The following PRRG1 variants were observed in gnomAD, a reference collection of about 807,000 sequenced individuals.
PRRG1 encodes the protein proline rich and Gla domain 1, also known as transmembrane gamma-carboxyglutamic acid protein 1.
PRRG1 carries 5 observed loss-of-function variants against 11.8 expected under a neutral mutation model. The ratio of observed to expected loss-of-function variants is 0.42; its 90% CI spans 0.22 to 0.89. The LOEUF is 0.89. Ranked by LOEUF, PRRG1 falls within the 40% of genes least tolerant of loss-of-function variation. The probability of loss-of-function intolerance (pLI) is 0.28; values close to 1 mark genes in which losing one functional copy is unlikely to be tolerated. For synonymous variants in PRRG1, 66 were observed against 60.4 expected (o/e 1.09, Z -0.43); for missense variants, 155 against 166.1 (o/e 0.93, Z 0.37).
intron 3 of PRRG1, among the ~76,000 whole-genome samples, chrX:37,451,840 C>G (rs782106789): frequency 5.5e-4 from 62 of 111,896 alleles, no homozygotes; most frequent in African/African-American, 1.9e-3. Flanking sequence ...GCTTTAGTGG[C>G]CATAGTATTA....
rs1466987823 is a variant in PRRG1, at chrX:37,398,824, C to T, written c.-41-7385C>T. ...GCTGAAAGCCAAGGCTCGAGAACTA[C>T]GTGAAGAATGCAGAAGCCTCAGGAG... is the stretch of plus-strand genomic sequence containing the variant. On this transcript the variant is annotated intron_variant, in intron 1 of 3. Transcript: ENST00000378628. Among the ~76,000 whole-genome samples the T allele has an allele frequency of 4.5e-3, 493 of 110,745 alleles. 1 individual carries two copies. The highest frequency in any genetic ancestry group is 0.012 in the African/African-American group (373 of 30,434).
At chrX:37,383,934 C>A (rs1300550194) in intron 1 of PRRG1, among the ~76,000 whole-genome samples, 1 of 109,374 alleles carries the variant, frequency 9.1e-6, no homozygotes, top group Admixed American at 9.9e-5. Flanking sequence ...ACTGATTGTT[C>A]TGCTATCTGA....
intron 1 of PRRG1, among the ~76,000 whole-genome samples, chrX:37,400,536 A>G (rs1931933363): frequency 9.0e-6 from 1 of 111,668 alleles, no homozygotes; most frequent in South Asian, 3.8e-4. Context: ...AGCAGGAAAG[A>G]TCCAAAATTG....
chrX:37,393,640 C>T (rs1262104768), intron 1 of PRRG1, among the ~76,000 whole-genome samples: 4 of 111,442 alleles, frequency 3.6e-5, no homozygotes, highest in African/African-American at 1.3e-4. Context: ...GCTGGTTATG[C>T]TGAAATCAAA....
intron 3 of PRRG1, among the ~76,000 whole-genome samples, chrX:37,428,440 G>A (rs1282589381): frequency 5.4e-5 from 6 of 111,546 alleles, no homozygotes; most frequent in African/African-American, 2.0e-4. Flanking sequence ...AAAACAAAGG[G>A]TATACAGGCC....
At chrX:37,411,019 G>A (rs6520309) in intron 2 of PRRG1, among the ~76,000 whole-genome samples, 32,917 of 111,052 alleles carry the variant, frequency 0.3, 7,075 homozygotes, top group African/African-American at 0.77. Context: ...AAATGTGTAT[G>A]TATAGACTCA....
At chrX:37,409,379 C>T (rs1429131607) in intron 2 of PRRG1, among the ~76,000 whole-genome samples, 1 of 111,626 alleles carries the variant, frequency 9.0e-6, no homozygotes, top group Non-Finnish European at 1.9e-5. Context: ...AGAAATTAAC[C>T]CGTGCAGTTC....
intron 1 of PRRG1, among the ~76,000 whole-genome samples, chrX:37,369,749 A>G (rs1301096578): frequency 1.8e-5 from 2 of 111,391 alleles, no homozygotes; most frequent in East Asian, 5.6e-4. Flanking sequence ...GTGGGAGGCA[A>G]TTGAATCATG....
chrX:37,421,068 C>T (rs183919185), intron 2 of PRRG1, among the ~76,000 whole-genome samples: 1 of 111,515 alleles, frequency 9.0e-6, no homozygotes, highest in East Asian at 2.8e-4. Flanking sequence ...CAGAGGTCAT[C>T]TGCTACCCAT....
At position 37,455,346 on chromosome X, in the gene PRRG1, G is replaced by A. The variant is rs904496740; in HGVS notation, c.*1725G>A. On this transcript the variant is annotated 3_prime_UTR_variant, in exon 4 of 4. Coordinates refer to ENST00000378628, the MANE Select transcript of PRRG1 (RefSeq NM_001142395.2). ...ATGTAAGAAATTTGTAAAATGTGAA[G>A]AGCTATCTACACTAAGTTCGTAATG... 5 of 111,654 alleles carry A rather than the reference G, an allele frequency of 4.5e-5. No individual in the cohort carries two copies. The highest frequency in any genetic ancestry group is 9.4e-5 in the Admixed American group (1 of 10,586). 9.2% of individuals were successfully genotyped at this position (111,654 alleles called of 1,213,427 possible). A position where few individuals can be genotyped will look rare whatever the true frequency, so the allele number is the denominator to read the frequency against.
chrX:37,389,516 G>A (rs1341062656), intron 1 of PRRG1, among the ~76,000 whole-genome samples: 1 of 111,197 alleles, frequency 9.0e-6, no homozygotes, highest in Non-Finnish European at 1.9e-5. Flanking sequence ...CATGGTGGAA[G>A]GTGAAGGGCA....
chrX:37,447,923 C>T (rs1337841727), intron 3 of PRRG1, among the ~76,000 whole-genome samples: 1 of 112,089 alleles, frequency 8.9e-6, no homozygotes, highest in African/African-American at 3.2e-5. Flanking sequence ...CTGCAGCTTA[C>T]GTTTCTCTCC....
chrX:37,389,059 G>A (rs983516829), intron 1 of PRRG1, among the ~76,000 whole-genome samples: 5 of 111,842 alleles, frequency 4.5e-5, no homozygotes, highest in African/African-American at 1.6e-4. Context: ...TCCCTAGGGT[G>A]GGGGTACAAT....
At chrX:37,367,584 AT>A (rs1182800140) in intron 1 of PRRG1, among the ~76,000 whole-genome samples, 29 of 105,846 alleles carry the variant, frequency 2.7e-4, no homozygotes, top group East Asian at 8.8e-4. Flanking sequence ...TAAATGGTGG[AT>A]TTTTTTTTTT....
chrX:37,379,884 C>T (rs1661227395), intron 1 of PRRG1, among the ~76,000 whole-genome samples: 1 of 111,078 alleles, frequency 9.0e-6, no homozygotes, highest in Non-Finnish European at 1.9e-5. Flanking sequence ...CAAGTCATGG[C>T]CTCCTCCCTC....
chrX:37,405,828 G>T (rs1932171789), intron 1 of PRRG1, among the ~76,000 whole-genome samples: 1 of 111,858 alleles, frequency 8.9e-6, no homozygotes, highest in Admixed American at 9.5e-5. Flanking sequence ...AGACAGGAAA[G>T]CTAGTAACTT....
intron 3 of PRRG1, among the ~76,000 whole-genome samples, chrX:37,430,520 C>G (rs1932816066): frequency 9.0e-6 from 1 of 111,533 alleles, no homozygotes; most frequent in African/African-American, 3.3e-5. Context: ...ATTAATAACT[C>G]ATTTGCTTAG....
At chrX:37,354,650 C>T (rs782614200) in intron 1 of PRRG1, among the ~76,000 whole-genome samples, 1 of 110,568 alleles carries the variant, frequency 9.0e-6, no homozygotes, top group Non-Finnish European at 1.9e-5. Flanking sequence ...GCCTCGGCCT[C>T]CCAAAGTGCT....
intron 1 of PRRG1, among the ~76,000 whole-genome samples, chrX:37,369,695 G>T (rs1260333168): frequency 4.5e-5 from 5 of 111,344 alleles, no homozygotes; most frequent in African/African-American, 1.6e-4. Flanking sequence ...ATCTCATCTT[G>T]AATTGTAGCT....
Sources: allele counts gnomAD v4.1 joint callset (sites outside exome capture counted in the v4.1 genomes callset), GRCh38; gene constraint gnomAD v4.1.1; transcripts MANE v1.5; gene names NCBI Gene and HGNC (gene_info 2026-07-23, HGNC 2026-07-21).